The following TBX15 variants were observed in gnomAD, a reference collection of about 807,000 sequenced individuals.
The protein encoded by TBX15 is T-box transcription factor TBX15.
TBX15 carries 18 observed loss-of-function variants against 53.9 expected under a neutral mutation model. The observed-to-expected ratio is 0.33, with a 90% CI of 0.23 to 0.49. The LOEUF is 0.49. Ranked by LOEUF, TBX15 falls within the 20% of genes least tolerant of loss-of-function variation. The probability of loss-of-function intolerance (pLI) is 0.98; values close to 1 mark genes in which losing one functional copy is unlikely to be tolerated. For missense variants in TBX15, 692 were observed against 749.5 expected, an observed-to-expected ratio of 0.92 and a Z score of 0.90; for synonymous variants, 295 against 278.0, an observed-to-expected ratio of 1.06 and a Z score of -0.61.
intron 1 of TBX15, among the ~76,000 whole-genome samples, chr1:118,944,811 T>C (rs1235362291): frequency 6.6e-6 from 1 of 152,206 alleles, no homozygotes; most frequent in African/African-American, 2.4e-5. Context: ...CTGAACTGTA[T>C]TTAGAAGCTT....
chr1:118,894,659 A>G (rs1617615), intron 7 of TBX15, among the ~76,000 whole-genome samples: 94,308 of 151,870 alleles, frequency 0.62, 31,390 homozygotes, highest in East Asian at 0.93. Flanking sequence ...GTAATGGTTG[A>G]GCATGGGGGT....
chr1:118,917,650 C>T (rs1292591217), intron 5 of TBX15, among the ~76,000 whole-genome samples: 1 of 152,126 alleles, frequency 6.6e-6, no homozygotes, highest in African/African-American at 2.4e-5. Context: ...AACACATATT[C>T]CAGAAACCTT....
chr1:118,956,317 G>A (rs1471452864), intron 1 of TBX15, among the ~76,000 whole-genome samples: 2 of 152,114 alleles, frequency 1.3e-5, no homozygotes, highest in African/African-American at 4.8e-5. Context: ...ATGGTAAAAT[G>A]TAAATACCAA....
At chr1:118,916,995 G>C (rs1443317188) in intron 5 of TBX15, among the ~76,000 whole-genome samples, 1 of 152,186 alleles carries the variant, frequency 6.6e-6, no homozygotes, top group Non-Finnish European at 1.5e-5. Flanking sequence ...TTCAATTATT[G>C]TGGAAGACAG....
chr1:118,944,503 C>T (rs1246716792), intron 1 of TBX15, among the ~76,000 whole-genome samples: 1 of 152,116 alleles, frequency 6.6e-6, no homozygotes, highest in African/African-American at 2.4e-5. Context: ...TCAGAATGAC[C>T]CTTGAAGAGA....
intron 1 of TBX15, among the ~76,000 whole-genome samples, chr1:118,944,512 G>T (rs1177639451): frequency 6.6e-6 from 1 of 152,192 alleles, no homozygotes; most frequent in African/African-American, 2.4e-5. Context: ...CCCTTGAAGA[G>T]ACAGTGTCCT....
At chr1:118,980,353 C>A (rs920937617) in intron 1 of TBX15, among the ~76,000 whole-genome samples, 4 of 152,168 alleles carry the variant, frequency 2.6e-5, no homozygotes, top group African/African-American at 7.2e-5. Flanking sequence ...AGGCTCCGGG[C>A]TAGGTCTATA....
chr1:118,932,191 A>G (rs567799449), intron 1 of TBX15, among the ~76,000 whole-genome samples: 86 of 152,350 alleles, frequency 5.6e-4, no homozygotes, highest in Non-Finnish European at 1.1e-3. Context: ...GCCATATTAA[A>G]CTAAAATAAT....
At position 118,915,685 on chromosome 1, in the gene TBX15, C is replaced by A. The variant is rs562086538; in HGVS notation, c.862-1506G>T. ...AATCAGTTCTTTCTTCCTCCATAAT[C>A]CACAGCAATAAACCATGCACCATAT... On this transcript the variant is annotated intron_variant, in intron 5 of 7. Transcript: ENST00000369429. 5.9e-5 allele frequency among the ~76,000 whole-genome samples: 9 copies of A among 152,294 alleles called. No individual in the cohort carries two copies. In the East Asian group the frequency reaches 1.5e-3, roughly 26 times the overall value.
chr1:118,953,918 C>A (rs1321157293), intron 1 of TBX15, among the ~76,000 whole-genome samples: 3 of 152,148 alleles, frequency 2.0e-5, no homozygotes, highest in African/African-American at 7.2e-5. Context: ...TGTGAGCTAC[C>A]TATAGTGTCC....
intron 7 of TBX15, among the ~76,000 whole-genome samples, chr1:118,895,655 T>A (rs1159719586): frequency 6.6e-6 from 1 of 152,136 alleles, no homozygotes; most frequent in Non-Finnish European, 1.5e-5. Context: ...TGAGGTAGAA[T>A]CTTCATCTCC....
At chr1:118,969,572 G>A (rs752782559) in intron 1 of TBX15, among the ~76,000 whole-genome samples, 4 of 152,082 alleles carry the variant, frequency 2.6e-5, no homozygotes, top group Non-Finnish European at 5.9e-5. Context: ...CCCTTCCTGG[G>A]TTGAGTCCTG....
intron 1 of TBX15, among the ~76,000 whole-genome samples, chr1:118,941,927 G>T (rs1315064068): frequency 6.6e-6 from 1 of 152,148 alleles, no homozygotes; most frequent in African/African-American, 2.4e-5. Flanking sequence ...GTAAAATGAG[G>T]ATATCATTGG....
intron 1 of TBX15, among the ~76,000 whole-genome samples, chr1:118,966,362 C>G (rs1224206200): frequency 6.6e-6 from 1 of 152,166 alleles, no homozygotes; most frequent in Non-Finnish European, 1.5e-5. Context: ...GCTGAAGAAA[C>G]ACAAAAGTAG....
At chr1:118,968,236 ACAGGGTCTCCCT>A (rs1262324703) in intron 1 of TBX15, among the ~76,000 whole-genome samples, 3 of 152,120 alleles carry the variant, frequency 2.0e-5, no homozygotes, top group African/African-American at 4.8e-5. Context: ...CTATTTTGAG[ACAGGGTCTCCCT>A]CTGTCACCCA....
At chr1:118,926,648 G>A (rs775185416) in intron 2 of TBX15, 37 bp from the exon 3 acceptor site, 1 of 1,569,962 alleles carries the variant, frequency 6.4e-7, no homozygotes, top group East Asian at 2.2e-5. Context: ...TCAGAAATCA[G>A]GGTGGGAGAA....
chr1:118,914,275 G>A, intron 5 of TBX15, 96 bp from the exon 6 acceptor site: 1 of 1,142,360 alleles, frequency 8.8e-7, no homozygotes, highest in Non-Finnish European at 1.3e-6. Flanking sequence ...TTTAATAACA[G>A]TTGTTGCTTT....
intron 1 of TBX15, among the ~76,000 whole-genome samples, chr1:118,939,724 A>C (rs1321973295): frequency 6.6e-6 from 1 of 151,870 alleles, no homozygotes; most frequent in Non-Finnish European, 1.5e-5. Flanking sequence ...TTGAAATTTC[A>C]AGTATAAGGT....
At chr1:118,951,935 A>G (rs1258783483) in intron 1 of TBX15, among the ~76,000 whole-genome samples, 1 of 152,206 alleles carries the variant, frequency 6.6e-6, no homozygotes, top group Non-Finnish European at 1.5e-5. Flanking sequence ...GCTGGCAGGA[A>G]TGTAGGGCTG....
Sources: gnomAD v4.1 joint callset for allele counts (sites outside exome capture counted in the v4.1 genomes callset) on GRCh38, gnomAD v4.1.1 for gene constraint, MANE v1.5 for transcripts, NCBI Gene and HGNC (gene_info 2026-07-23, HGNC 2026-07-21) for gene names.